PDZD8: variants seen among roughly 807,000 people sequenced by gnomAD.
PDZD8 encodes the protein PDZ domain containing 8.
PDZD8 carries 14 observed loss-of-function variants against 85.8 expected under a neutral mutation model. The ratio of observed to expected loss-of-function variants is 0.16; its 90% CI spans 0.11 to 0.26. The LOEUF is 0.26. Ranked by LOEUF, PDZD8 falls within the 10% of genes least tolerant of loss-of-function variation. The probability of loss-of-function intolerance (pLI) is 1.00; values close to 1 mark genes in which losing one functional copy is unlikely to be tolerated. For missense variants in PDZD8, 1,197 were observed against 1,424.3 expected (o/e 0.84, Z 2.57); for synonymous variants, 592 against 568.6 (o/e 1.04, Z -0.59).
rs1436175023 is a variant in PDZD8, at chr10:117,374,637, C to T, written c.591G>A (p.Glu197=). Residue 197 remains glutamate (E), a synonymous_variant, in exon 1 of 5, where the codon GAG becomes GAA. Transcript: ENST00000334464. This position sits in a 1 kb window ranked among gnomAD's most constrained non-coding sequence, Gnocchi z 7.8. ...TGGCCAGGTGGAAGCCCCCGTTGTA[C>T]TCCACCTCCGCCTCGAAGGCCAGCT... ...PEELAFEAEV[E]YNGGFHLAID... The T allele has an allele frequency of 3.8e-6, 6 of 1,583,062 alleles. No homozygotes were observed. The South Asian group carries it at 6.8e-5, about 18-fold the overall frequency.
chr10:117,341,873 C>A (rs891927502), intron 1 of PDZD8, among the ~76,000 whole-genome samples: 2 of 152,124 alleles, frequency 1.3e-5, no homozygotes, highest in Admixed American at 1.3e-4. Context: ...ACATCAATAA[C>A]AATTAACACA....
intron 4 of PDZD8, among the ~76,000 whole-genome samples, chr10:117,289,954 C>CA (rs1844727429): frequency 6.6e-6 from 1 of 152,106 alleles, no homozygotes; most frequent in Non-Finnish European, 1.5e-5. Flanking sequence ...GTGGTCTAAA[C>CA]AAAGTATTTT....
rs181829041 is a variant in PDZD8 at position 117,304,643 on chromosome 10, G to C, written c.1098+14229C>G. Among the ~76,000 whole-genome samples, 470 of 152,254 alleles carry C rather than the reference G, an allele frequency of 3.1e-3. 2 individuals are homozygous for C. The highest frequency in any genetic ancestry group is 0.011 in the African/African-American group (466 of 41,524). On this transcript the variant is annotated intron_variant, in intron 3 of 4. Transcript: ENST00000334464. ...CCATGTGTTGTGGGAGGGACCCAAG[G>C]GGAGGTAATTGAATCATGGGGGCCG...
At position 117,360,720 on chromosome 10, in the gene PDZD8, C is replaced by A. The variant is rs563006061; in HGVS notation, c.872+13636G>T. Among the ~76,000 whole-genome samples the A allele has an allele frequency of 1.3e-4, 20 of 151,576 alleles. No individual in the cohort carries two copies. The South Asian group carries it at 4.0e-3, about 30-fold the overall frequency. ...CAAATCCACTCAACCTTGTGTCTTACAATACCAAGGTGTACAAGCAATACT... is the reference window on the plus strand; with the variant it reads ...CAAATCCACTCAACCTTGTGTCTTAAAATACCAAGGTGTACAAGCAATACT... On this transcript the variant is annotated intron_variant, in intron 1 of 4. Transcript: ENST00000334464.
chr10:117,328,865 C>T (rs1046482118), intron 2 of PDZD8, among the ~76,000 whole-genome samples: 11 of 152,118 alleles, frequency 7.2e-5, no homozygotes, highest in Admixed American at 3.9e-4. Flanking sequence ...GGATTATAGG[C>T]GTGGGCCACA....
intron 3 of PDZD8, among the ~76,000 whole-genome samples, chr10:117,303,911 G>C (rs1210408538): frequency 6.6e-6 from 1 of 152,224 alleles, no homozygotes; most frequent in East Asian, 1.9e-4. Flanking sequence ...CTGCAGGCTT[G>C]GGGCCCTCAT....
chr10:117,345,746 A>G (rs1316335845), intron 1 of PDZD8, among the ~76,000 whole-genome samples: 1 of 152,184 alleles, frequency 6.6e-6, no homozygotes, highest in Non-Finnish European at 1.5e-5. Flanking sequence ...GAAGGACCAG[A>G]TGTTAGATTT....
At position 117,283,126 on chromosome 10, in the gene PDZD8, C is replaced by A. The variant is rs1271603960; in HGVS notation, c.*142G>T. The A allele has an allele frequency of 1.3e-6, 1 of 790,410 alleles. No individual in the cohort carries two copies. The allele number at this position is 790,410 out of a possible 1,614,324, so 49.0% of individuals were successfully genotyped here. A position where few individuals can be genotyped will look rare whatever the true frequency, so the allele number is the denominator to read the frequency against. Reference sequence around the variant, plus strand: ...TGGTCATGTTTTTACTGGAAAACAACCTTTCTCATTTTTGTTCTTACACAA... The same window carrying A: ...TGGTCATGTTTTTACTGGAAAACAAACTTTCTCATTTTTGTTCTTACACAA... On this transcript the variant is annotated 3_prime_UTR_variant, in exon 5 of 5. Transcript: ENST00000334464.
rs1396456839 is a variant in PDZD8, at chr10:117,374,012, T to C, written c.872+344A>G. On this transcript the variant is annotated intron_variant, in intron 1 of 4. Coordinates refer to ENST00000334464, the MANE Select transcript of PDZD8 (RefSeq NM_173791.5). This position sits in a 1 kb window ranked among gnomAD's most constrained non-coding sequence, Gnocchi z 7.8. ...GGCTGCCCTCAATGCAGCAACCACA[T>C]AGAGGGAGAGTTTCTCAACAGTCCC... Among the ~76,000 whole-genome samples the C allele has an allele frequency of 3.3e-5, 5 of 152,078 alleles. No individual in the cohort carries two copies. The highest frequency in any genetic ancestry group is 6.6e-5 in the Admixed American group (1 of 15,264).
Position 117,284,319 on chromosome 10 carries a change from A to G in PDZD8, c.2414T>C (p.Val805Ala). ...TTTTTCTTTTTCTACGTTAGTAACT[A>G]CATGGTGGTCTGATTCTCCTTCTTT... ...YLKEGESDHHVVTNVEKEKEP... is the reference protein window; with the variant it reads ...YLKEGESDHHAVTNVEKEKEP... The change falls in exon 5 of 5, where the codon GTA (valine) becomes GCA (alanine). Residue 805 changes from valine (V) to alanine (A), a missense_variant. Physicochemically the swap from Val to Ala is moderately conservative, Grantham distance 64. Around this residue, in one of 4 missense-constraint regions of PDZD8, gnomAD observed 418 missense variants for 571.1 expected, o/e 0.73. Transcript: ENST00000334464. The G allele has an allele frequency of 6.2e-7, 1 of 1,614,144 alleles. No individual in the cohort carries two copies. Among genetic ancestry groups the G allele is most frequent in the East Asian group, 2.2e-5 (1 of 44,884 alleles).
chr10:117,330,876 C>T (rs762720824), intron 2 of PDZD8, among the ~76,000 whole-genome samples: 3 of 152,190 alleles, frequency 2.0e-5, no homozygotes, highest in African/African-American at 4.8e-5. Context: ...AAATACTTTA[C>T]AATTCTAATT....
intron 1 of PDZD8, among the ~76,000 whole-genome samples, chr10:117,354,615 C>T (rs1038616164): frequency 6.6e-6 from 1 of 151,066 alleles, no homozygotes; most frequent in African/African-American, 2.5e-5. Flanking sequence ...GTTAGATACT[C>T]AGATACTGCA....
rs545059380 is a variant in PDZD8 at position 117,305,337 on chromosome 10, G to A, written c.1098+13535C>T. Among the ~76,000 whole-genome samples the A allele has an allele frequency of 2.6e-3, 398 of 152,010 alleles. 2 individuals carry two copies. The highest frequency in any genetic ancestry group is 8.6e-3 in the Admixed American group (131 of 15,238). On this transcript the variant is annotated intron_variant, in intron 3 of 4. Coordinates refer to ENST00000334464, the MANE Select transcript of PDZD8 (RefSeq NM_173791.5). Reference sequence around the variant, plus strand: ...TGAGGCACGAGAATTGCTTGAATCCGGGAGGCAAGAGGTTGCAGTGAGCAG... The same window carrying A: ...TGAGGCACGAGAATTGCTTGAATCCAGGAGGCAAGAGGTTGCAGTGAGCAG...
At chr10:117,371,504 T>C (rs1026428607) in intron 1 of PDZD8, among the ~76,000 whole-genome samples, 1 of 152,174 alleles carries the variant, frequency 6.6e-6, no homozygotes, top group African/African-American at 2.4e-5. Context: ...TTTAAAACAC[T>C]GGACAGAACA....
At chr10:117,292,404 C>A (rs1589997652) in intron 3 of PDZD8, among the ~76,000 whole-genome samples, 1 of 152,104 alleles carries the variant, frequency 6.6e-6, no homozygotes, top group Admixed American at 6.5e-5. Flanking sequence ...ACAACATATT[C>A]TCTCAAATCC....
rs2133753483 is a variant in PDZD8 at position 117,280,413 on chromosome 10, G to A, written c.*2855C>T. The A allele has an allele frequency of 6.6e-6, 1 of 152,162 alleles. No individual in the cohort carries two copies. The highest frequency in any genetic ancestry group is 1.9e-4 in the East Asian group (1 of 5,192). 9.4% of individuals were successfully genotyped at this position (152,162 alleles called of 1,614,324 possible). A position where few individuals can be genotyped will look rare whatever the true frequency, so the allele number is the denominator to read the frequency against. On this transcript the variant is annotated 3_prime_UTR_variant, in exon 5 of 5. Coordinates refer to ENST00000334464, the MANE Select transcript of PDZD8 (RefSeq NM_173791.5). The stretch of plus-strand genomic sequence containing the variant: ...TGGACTTTGTTATGCTTTTCTGCAT[G>A]GCCAAATTATACCAGAAGATAATTC...
At chr10:117,326,053 T>C (rs572668380) in intron 2 of PDZD8, among the ~76,000 whole-genome samples, 70 of 152,286 alleles carry the variant, frequency 4.6e-4, no homozygotes, top group African/African-American at 1.7e-3. Context: ...GGTGCCTGCT[T>C]CTTCTTCCCC....
rs563964908 is a variant in PDZD8, at chr10:117,288,389, AAAAC to A, written c.1261+1793_1261+1796del. Among the ~76,000 whole-genome samples, 72 of 152,266 alleles carry A rather than the reference AAAAC, an allele frequency of 4.7e-4. No homozygotes were observed. In the East Asian group the frequency reaches 5.6e-3, roughly 12 times the overall value. ...AAAGGCATATATTTATGTACAGAAA[AAAAC>A]AAACAAACAAAAAAACAAAAAAAGA... On this transcript the variant is annotated intron_variant, in intron 4 of 4. Coordinates refer to ENST00000334464, the MANE Select transcript of PDZD8 (RefSeq NM_173791.5).
chr10:117,340,470 GTTTCCTC>G (rs1257245054), intron 2 of PDZD8, among the ~76,000 whole-genome samples: 1 of 152,106 alleles, frequency 6.6e-6, no homozygotes, highest in African/African-American at 2.4e-5. Flanking sequence ...TACCCTTGAT[GTTTCCTC>G]TTAGTAAGTT....
Sources: allele counts gnomAD v4.1 joint callset (sites outside exome capture counted in the v4.1 genomes callset), GRCh38; gene constraint gnomAD v4.1.1; regional missense constraint gnomAD v4.1.1; non-coding constraint Gnocchi (gnomAD v3.1); transcripts MANE v1.5; gene names NCBI Gene and HGNC (gene_info 2026-07-23, HGNC 2026-07-21).